The following BCLAF1 variants were observed in gnomAD, a reference collection of about 807,000 sequenced individuals.
The protein encoded by BCLAF1 is bcl-2-associated transcription factor 1.
In BCLAF1, 10 loss-of-function variants were observed where a neutral mutation model predicts 99.5. The ratio of observed to expected loss-of-function variants is 0.10; its 90% CI spans 0.06 to 0.17. The LOEUF (loss-of-function observed/expected upper bound fraction) is 0.17. Among genes scored for constraint, BCLAF1 ranks in the 10% least tolerant of loss-of-function variants. The pLI is 1.00. For synonymous variants in BCLAF1, 255 were observed against 370.9 expected, an observed-to-expected ratio of 0.69 and a Z score of 3.59; for missense variants, 636 against 1,105.8, an observed-to-expected ratio of 0.58 and a Z score of 6.02.
At chr6:136,270,988 CAG>C (rs1782442665) in intron 8 of BCLAF1, among the ~76,000 whole-genome samples, 1 of 151,402 alleles carries the variant, frequency 6.6e-6, no homozygotes, top group South Asian at 2.1e-4. Context: ...AAAAAAATAA[CAG>C]AACAAAAAAA....
rs1193605845 is a variant in BCLAF1 at position 136,257,510 on chromosome 6, C to G, written c.*3600G>C. The G allele has an allele frequency of 1.3e-5, 2 of 152,142 alleles. No homozygotes were observed. Among genetic ancestry groups the G allele is most frequent in the Non-Finnish European group, 2.9e-5 (2 of 67,996 alleles). 9.4% of individuals were successfully genotyped at this position (152,142 alleles called of 1,614,324 possible). ...TGGCTCTCAAGTCAATTAAATACAACTAGATTCCATATATTCCTGAATCCT... is the reference window on the plus strand; with the variant it reads ...TGGCTCTCAAGTCAATTAAATACAAGTAGATTCCATATATTCCTGAATCCT... On this transcript the variant is annotated 3_prime_UTR_variant, in exon 13 of 13. Transcript: ENST00000531224.
At chr6:136,277,364 A>C (rs1783575300) in intron 4 of BCLAF1, among the ~76,000 whole-genome samples, 1 of 152,218 alleles carries the variant, frequency 6.6e-6, no homozygotes, top group South Asian at 2.1e-4. Context: ...AAAGAACAAA[A>C]TAAGCCTTCA....
intron 5 of BCLAF1, 59 bp downstream of exon 5, chr6:136,275,784 T>A: frequency 6.4e-7 from 1 of 1,570,266 alleles, no homozygotes; most frequent in Non-Finnish European, 8.6e-7. Flanking sequence ...AAGTTTAAGA[T>A]AATTAACTGG....
chr6:136,273,386 G>A, intron 6 of BCLAF1, 199 bp from the exon 7 acceptor site: 1 of 519,782 alleles, frequency 1.9e-6, no homozygotes, highest in Non-Finnish European at 3.4e-6. Context: ...TTGCTCACAG[G>A]TCCCTGTCAA....
rs142257137 is a variant in BCLAF1, at chr6:136,273,371, G to T, written c.1853-184C>A. On this transcript the variant is annotated intron_variant, in intron 6 of 12. Transcript: ENST00000531224. ...TTGTACCTCAACAGGAGAGTGTTTCGAAAGTTGCTCACAGGTCCCTGTCAA... is the reference window on the plus strand; with the variant it reads ...TTGTACCTCAACAGGAGAGTGTTTCTAAAGTTGCTCACAGGTCCCTGTCAA... The T allele has an allele frequency of 7.4e-6, 4 of 543,522 alleles. No individual in the cohort carries two copies. The African/African-American group carries it at 7.6e-5, about 10-fold the overall frequency. The allele number at this position is 543,522 out of a possible 1,614,324, so 33.7% of individuals were successfully genotyped here.
intron 2 of BCLAF1, among the ~76,000 whole-genome samples, chr6:136,280,273 A>G (rs2128486453): frequency 6.6e-6 from 1 of 152,354 alleles, no homozygotes; most frequent in South Asian, 2.1e-4. Flanking sequence ...AGGCAACTGA[A>G]ATAAAATAAA....
At chr6:136,270,058 T>C (rs1360033204) in intron 8 of BCLAF1, 2 of 152,058 alleles carry the variant, frequency 1.3e-5, no homozygotes, top group Non-Finnish European at 2.9e-5. Flanking sequence ...AACATAATGG[T>C]TCTCATTACT....
chr6:136,269,037 T>C (rs757737801), intron 9 of BCLAF1: 13 of 840,718 alleles, frequency 1.5e-5, no homozygotes, highest in Admixed American at 5.0e-5. Flanking sequence ...CTCCCCCCCA[T>C]CTCTCCCATG....
intron 8 of BCLAF1, among the ~76,000 whole-genome samples, chr6:136,270,885 C>T (rs548281517): frequency 1.3e-5 from 2 of 151,670 alleles, no homozygotes; most frequent in South Asian, 2.1e-4. Context: ...AACTTTGAAC[C>T]CAAGATATTA....
At chr6:136,282,803 G>A (rs1028503367) in intron 1 of BCLAF1, 116 bp from the exon 2 acceptor site, 1 of 152,120 alleles carries the variant, frequency 6.6e-6, no homozygotes, top group Non-Finnish European at 1.5e-5. Context: ...CAATTTCAGG[G>A]AAGGAAAAAC....
rs537819280 is a variant in BCLAF1 at position 136,289,313 on chromosome 6, G to A, written c.-115+400C>T. Among the ~76,000 whole-genome samples, 75 of 152,368 alleles carry A rather than the reference G, an allele frequency of 4.9e-4. No homozygotes were observed. The Middle Eastern group carries it at 0.02, about 41-fold the overall frequency. On this transcript the variant is annotated intron_variant, in intron 1 of 12. Transcript: ENST00000531224. ...ACAAGTTGCACCTCCAGCGGCCGTC[G>A]GCGCCATAGGCGGGGGAGAGAAAAA... is the stretch of plus-strand genomic sequence containing the variant.
intron 1 of BCLAF1, among the ~76,000 whole-genome samples, chr6:136,285,235 GA>G (rs1047609969): frequency 1.3e-5 from 2 of 152,000 alleles, no homozygotes; most frequent in Non-Finnish European, 2.9e-5. Context: ...AAACAGCAAT[GA>G]AAAAAAGAGG....
intron 6 of BCLAF1, chr6:136,273,881 A>G: frequency 1.3e-6 from 1 of 785,754 alleles, no homozygotes; most frequent in Non-Finnish European, 1.6e-6. Flanking sequence ...AGAAAGACGT[A>G]TAAAGTCATG....
At chr6:136,265,314 C>A (rs1319266893) in intron 11 of BCLAF1, among the ~76,000 whole-genome samples, 1 of 152,140 alleles carries the variant, frequency 6.6e-6, no homozygotes, top group Non-Finnish European at 1.5e-5. Context: ...AGCTCCATTT[C>A]TCCCAGGCAC....
chr6:136,276,621 C>T, intron 4 of BCLAF1, 113 bp from the exon 5 acceptor site: 1 of 1,301,750 alleles, frequency 7.7e-7, no homozygotes, highest in Non-Finnish European at 1.0e-6. Context: ...GAAAATAACC[C>T]TATTGAAAAG....
chr6:136,261,558 A>C, intron 11 of BCLAF1, 81 bp from the exon 12 acceptor site: 1 of 1,399,910 alleles, frequency 7.1e-7, no homozygotes, highest in Non-Finnish European at 9.8e-7. Flanking sequence ...TCACAGTATT[A>C]ATCTTCTGAA....
chr6:136,273,857 T>C (rs1782892520), intron 6 of BCLAF1: 2 of 586,736 alleles, frequency 3.4e-6, no homozygotes, highest in South Asian at 8.3e-5. Flanking sequence ...CAAGATATGT[T>C]GTAAATGTAA....
chr6:136,261,701 A>T (rs1781024830), intron 11 of BCLAF1, among the ~76,000 whole-genome samples: 1 of 152,152 alleles, frequency 6.6e-6, no homozygotes, highest in African/African-American at 2.4e-5. Context: ...CCAAGCACTG[A>T]AGGTTACCCA....
chr6:136,284,832 A>AGG (rs557146958), intron 1 of BCLAF1, among the ~76,000 whole-genome samples: 72 of 151,302 alleles, frequency 4.8e-4, no homozygotes, highest in African/African-American at 1.6e-3. Flanking sequence ...GCCACATTGG[A>AGG]GGGGGGGGAA....
Sources: gnomAD v4.1 joint callset for allele counts (sites outside exome capture counted in the v4.1 genomes callset) on GRCh38, gnomAD v4.1.1 for gene constraint, MANE v1.5 for transcripts, NCBI Gene and HGNC (gene_info 2026-07-23, HGNC 2026-07-21) for gene names.